The following LRRIQ3 variants were observed in gnomAD, a reference collection of about 807,000 sequenced individuals.
LRRIQ3 encodes the protein leucine-rich repeat and IQ domain-containing protein 3.
LRRIQ3 carries 75 observed loss-of-function variants against 59.3 expected under a neutral mutation model. The ratio of observed to expected loss-of-function variants is 1.26; its 90% CI spans 1.05 to 1.53. The LOEUF (loss-of-function observed/expected upper bound fraction) is 1.53, where lower values mean the gene tolerates loss of function less well. LRRIQ3 is among the 40% of genes most tolerant of loss of function. The probability of loss-of-function intolerance (pLI) is 0.00; values close to 1 mark genes in which losing one functional copy is unlikely to be tolerated. For missense variants in LRRIQ3, 831 were observed against 710.0 expected (o/e 1.17, Z -1.94); for synonymous variants, 250 against 231.3 (o/e 1.08, Z -0.73).
chr1:74,066,779 T>C (rs1444538267), intron 6 of LRRIQ3, among the ~76,000 whole-genome samples: 1 of 152,130 alleles, frequency 6.6e-6, no homozygotes, highest in Non-Finnish European at 1.5e-5. Flanking sequence ...CCTAAAATCA[T>C]AATGGTTAAC....
At chr1:74,086,519 T>C (rs1646329060) in intron 5 of LRRIQ3, among the ~76,000 whole-genome samples, 1 of 152,156 alleles carries the variant, frequency 6.6e-6, no homozygotes, top group Admixed American at 6.6e-5. Flanking sequence ...CTGTCTCCTG[T>C]ACTGTCATAC....
chr1:74,136,022 T>C (rs141672185), intron 4 of LRRIQ3, among the ~76,000 whole-genome samples: 163 of 151,914 alleles, frequency 1.1e-3, no homozygotes, highest in African/African-American at 3.8e-3. Context: ...AAAGAAGGCA[T>C]ATATTACGAA....
intron 1 of LRRIQ3, among the ~76,000 whole-genome samples, chr1:74,196,083 A>AT (rs746955995): frequency 5.3e-5 from 8 of 152,068 alleles, no homozygotes; most frequent in Non-Finnish European, 1.0e-4. Context: ...AATATGGTAT[A>AT]TTTATTTCCA....
At chr1:74,083,788 C>G (rs1646297958) in intron 5 of LRRIQ3, 1 of 161,096 alleles carries the variant, frequency 6.2e-6, no homozygotes. Flanking sequence ...AAAATTCATT[C>G]TAAGTAAGTG....
intron 2 of LRRIQ3, 44 bp downstream of exon 2, chr1:74,183,392 G>A: frequency 6.7e-7 from 1 of 1,487,350 alleles, no homozygotes. Flanking sequence ...TTATAAGACT[G>A]AAATTTCGTT....
intron 7 of LRRIQ3, among the ~76,000 whole-genome samples, chr1:74,039,496 T>C (rs566405244): frequency 7.3e-5 from 11 of 151,402 alleles, no homozygotes; most frequent in Non-Finnish European, 1.3e-4. Flanking sequence ...AGATACTCCA[T>C]GAGAAGATCA....
chr1:74,160,422 G>T (rs1401892631), intron 3 of LRRIQ3, among the ~76,000 whole-genome samples: 1 of 151,952 alleles, frequency 6.6e-6, no homozygotes, highest in African/African-American at 2.4e-5. Flanking sequence ...TTAGAGAATT[G>T]AACTTCAAAG....
chr1:74,052,742 G>A (rs1381114275), intron 6 of LRRIQ3, among the ~76,000 whole-genome samples: 1 of 151,532 alleles, frequency 6.6e-6, no homozygotes, highest in Non-Finnish European at 1.5e-5. Context: ...ATCCCTCTCT[G>A]AGCTCTTCTC....
In LRRIQ3 at chr1:74,173,940, G is replaced by C. The variant is rs1649482587; in HGVS notation, c.573+8598C>G. Among the ~76,000 whole-genome samples the C allele has an allele frequency of 7.9e-5, 12 of 152,060 alleles. No individual in the cohort carries two copies. The South Asian group carries it at 2.5e-3, about 32-fold the overall frequency. ...TTTATTGTTGTTTATATGGTGTTCT[G>C]AATATACCATCTCATTTTCTTCCAG... On this transcript the variant is annotated intron_variant, in intron 3 of 7. Coordinates refer to ENST00000354431, the MANE Select transcript of LRRIQ3 (RefSeq NM_001105659.2).
chr1:74,122,868 A>G (rs1465984168), intron 4 of LRRIQ3, among the ~76,000 whole-genome samples: 1 of 152,170 alleles, frequency 6.6e-6, no homozygotes, highest in Non-Finnish European at 1.5e-5. Flanking sequence ...ACAGCAAAAG[A>G]AACTACCATC....
At chr1:74,072,165 G>C (rs1655045271) in intron 6 of LRRIQ3, among the ~76,000 whole-genome samples, 1 of 152,016 alleles carries the variant, frequency 6.6e-6, no homozygotes, top group African/African-American at 2.4e-5. Flanking sequence ...ATGGTAATAG[G>C]TGATATGAAT....
intron 5 of LRRIQ3, among the ~76,000 whole-genome samples, chr1:74,085,136 A>G (rs1345677461): frequency 6.6e-6 from 1 of 151,880 alleles, no homozygotes; most frequent in Non-Finnish European, 1.5e-5. Context: ...ATTATTTTAT[A>G]TTAGGGCAGT....
chr1:74,157,563 G>A (rs1337069328), intron 3 of LRRIQ3, among the ~76,000 whole-genome samples: 1 of 149,278 alleles, frequency 6.7e-6, no homozygotes, highest in Non-Finnish European at 1.5e-5. Context: ...TTTTTGTTTT[G>A]TTTTTCTATC....
chr1:74,059,386 A>T (rs1654634944), intron 6 of LRRIQ3, among the ~76,000 whole-genome samples: 1 of 150,242 alleles, frequency 6.7e-6, no homozygotes, highest in African/African-American at 2.5e-5. Flanking sequence ...CTATGTTTAG[A>T]TCTATGATCC....
At chr1:74,154,754 G>T (rs1264354630) in intron 4 of LRRIQ3, among the ~76,000 whole-genome samples, 1 of 152,138 alleles carries the variant, frequency 6.6e-6, no homozygotes, top group Non-Finnish European at 1.5e-5. Flanking sequence ...TTCAGCAACT[G>T]CCTGATTGAT....
intron 4 of LRRIQ3, among the ~76,000 whole-genome samples, chr1:74,126,250 T>C (rs1646934670): frequency 6.6e-6 from 1 of 151,812 alleles, no homozygotes; most frequent in Non-Finnish European, 1.5e-5. Flanking sequence ...TCTTTTTTTC[T>C]TGGATAATCT....
chr1:74,168,290 G>A (rs1329265176), intron 3 of LRRIQ3, among the ~76,000 whole-genome samples: 3 of 151,812 alleles, frequency 2.0e-5, no homozygotes, highest in Non-Finnish European at 2.9e-5. Context: ...ATTTAGAATG[G>A]CTATGCCTTA....
chr1:74,110,245 A>G (rs996139631), intron 4 of LRRIQ3, among the ~76,000 whole-genome samples: 1 of 151,922 alleles, frequency 6.6e-6, no homozygotes, highest in African/African-American at 2.4e-5. Flanking sequence ...AACCTACTCA[A>G]TATTGTACTA....
intron 1 of LRRIQ3, among the ~76,000 whole-genome samples, chr1:74,188,018 T>G (rs992681230): frequency 2.6e-5 from 4 of 152,094 alleles, no homozygotes; most frequent in African/African-American, 9.7e-5. Context: ...GGAATCAACC[T>G]AAATGCCCAT....
Sources: gnomAD v4.1 joint callset for allele counts (sites outside exome capture counted in the v4.1 genomes callset) on GRCh38, gnomAD v4.1.1 for gene constraint, MANE v1.5 for transcripts, NCBI Gene and HGNC (gene_info 2026-07-23, HGNC 2026-07-21) for gene names.